Variants in TRAP1 observed in about 807,000 individuals in gnomAD.
TRAP1 encodes TNF receptor associated protein 1.
In TRAP1, 102 loss-of-function variants were observed where a neutral mutation model predicts 89.1. The observed-to-expected ratio is 1.15, with a 90% confidence interval of 0.98 to 1.35. The LOEUF (loss-of-function observed/expected upper bound fraction) is 1.35, where lower values mean the gene tolerates loss of function less well. Among genes scored for constraint, TRAP1 ranks in the 40% most tolerant of loss-of-function variants. The pLI is 0.00. For synonymous variants in TRAP1, 508 were observed against 388.0 expected, an observed-to-expected ratio of 1.31 and a Z score of -3.64; for missense variants, 1,256 against 945.3, an observed-to-expected ratio of 1.33 and a Z score of -4.31.
intron 1 of TRAP1, among the ~76,000 whole-genome samples, chr16:3,695,429 G>A (rs1031360671): frequency 3.3e-5 from 5 of 151,822 alleles, no homozygotes; most frequent in South Asian, 4.2e-4. Context: ...TCAGCTACTC[G>A]GGAGGCCGAG....
intron 4 of TRAP1, among the ~76,000 whole-genome samples, chr16:3,681,329 G>C (rs575587866): frequency 1.3e-5 from 2 of 152,220 alleles, no homozygotes; most frequent in African/African-American, 2.4e-5. Context: ...CATTGGCAAA[G>C]CAAGGGTGGT....
rs1277271312 is a variant in TRAP1, at chr16:3,666,013, G to A, written c.1341C>T (p.Phe447=). Residue 447 remains phenylalanine (F), a synonymous_variant, in exon 12 of 18, where the codon TTC becomes TTT. Coordinates refer to ENST00000246957, the MANE Select transcript of TRAP1 (RefSeq NM_016292.3). The part of the protein sequence containing the change: ...YAKFFEDYGL[F]MREGIVTATE... ...TGGCGGTCACAATGCCCTCCCGCATGAACAGGCCGTAATCTTCAAAAAACT... is the reference window on the plus strand; with the variant it reads ...TGGCGGTCACAATGCCCTCCCGCATAAACAGGCCGTAATCTTCAAAAAACT... The A allele has an allele frequency of 1.2e-6, 2 of 1,614,126 alleles. No individual in the cohort carries two copies. The highest frequency in any genetic ancestry group is 1.1e-5 in the South Asian group (1 of 91,082).
Position 3,670,382 on chromosome 16 carries a change from CAAAAA to C in TRAP1, c.1235+1335_1235+1339del, listed in dbSNP as rs760902038. ...TGGGCGACAGAGCAAGACTCCGTCTCAAAAAAAAAAAAAAAAAAAAAAAAAAAAAT... is the reference window on the plus strand; with the variant it reads ...TGGGCGACAGAGCAAGACTCCGTCTCAAAAAAAAAAAAAAAAAAAAAAAAT... On this transcript the variant is annotated intron_variant, in intron 11 of 17. Coordinates refer to ENST00000246957, the MANE Select transcript of TRAP1 (RefSeq NM_016292.3). Among the ~76,000 whole-genome samples the C allele has an allele frequency of 7.4e-4, 17 of 22,838 alleles. No individual in the cohort carries two copies. The East Asian group carries it at 8.1e-3, about 11-fold the overall frequency. 15.0% of individuals were successfully genotyped at this position (22,838 alleles called of 152,430 possible). A position where few individuals can be genotyped will look rare whatever the true frequency, so the allele number is the denominator to read the frequency against.
At chr16:3,684,790 C>CA (rs1475833472) in intron 4 of TRAP1, among the ~76,000 whole-genome samples, 3 of 150,672 alleles carry the variant, frequency 2.0e-5, no homozygotes, top group Non-Finnish European at 4.4e-5. Flanking sequence ...ACTCTGTCTC[C>CA]AAAAAAAAGG....
intron 1 of TRAP1, among the ~76,000 whole-genome samples, chr16:3,709,237 A>G (rs1316826624): frequency 6.6e-6 from 1 of 151,778 alleles, no homozygotes; most frequent in African/African-American, 2.4e-5. Context: ...CAAAAAAAAA[A>G]AAAAAAAAAA....
chr16:3,672,955 A>C, intron 9 of TRAP1, 135 bp from the exon 10 acceptor site: 1 of 1,337,588 alleles, frequency 7.5e-7, no homozygotes, highest in East Asian at 2.6e-5. Flanking sequence ...CTCTGAGTTG[A>C]AGCCCAGTGC....
chr16:3,695,172 G>A (rs2051269421), intron 1 of TRAP1, among the ~76,000 whole-genome samples: 1 of 152,144 alleles, frequency 6.6e-6, no homozygotes, highest in Non-Finnish European at 1.5e-5. Flanking sequence ...TCCAAATATG[G>A]TCACATTCAC....
In TRAP1 at chr16:3,672,786, C is replaced by G; in HGVS notation, c.1079G>C (p.Gly360Ala). 1 of 1,612,804 alleles carries G rather than the reference C, an allele frequency of 6.2e-7. No individual in the cohort carries two copies. The change falls in exon 10 of 18, where the codon GGC becomes GCC. Residue 360 changes from glycine to alanine, a missense_variant. Gly to Ala is a moderately conservative substitution (Grantham distance 60). Coordinates refer to ENST00000246957, the MANE Select transcript of TRAP1 (RefSeq NM_016292.3). Reference sequence around the variant, plus strand: ...GCGGCTGTACAGTGCAACGCTGGAGCCCAGCTCCCGGCTCACATCAAACAT... The same window carrying G: ...GCGGCTGTACAGTGCAACGCTGGAGGCCAGCTCCCGGCTCACATCAAACAT... ...PSMFDVSREL[G>A]SSVALYSRKV... is the part of the protein sequence containing the mutation.
rs1055886002 is a variant in TRAP1, at chr16:3,680,085, G to C, written c.472-295C>G. 21 of 288,440 alleles carry C rather than the reference G, an allele frequency of 7.3e-5. 1 individual carries two copies. Among genetic ancestry groups the C allele is most frequent in the African/African-American group, 4.3e-4 (20 of 46,804 alleles). 17.9% of individuals were successfully genotyped at this position (288,440 alleles called of 1,614,324 possible). ...TCTCTACTAAAAAAGAAATTAGCCAGGCATGATGGCGAGCACCTGTGGTTC... is the reference window on the plus strand; with the variant it reads ...TCTCTACTAAAAAAGAAATTAGCCACGCATGATGGCGAGCACCTGTGGTTC... On this transcript the variant is annotated intron_variant, in intron 4 of 17. Transcript: ENST00000246957.
At chr16:3,676,358 T>G in intron 6 of TRAP1, 27 of 193,708 alleles carry the variant, frequency 1.4e-4, no homozygotes, top group East Asian at 3.9e-4. Context: ...GTTCTCCTGG[T>G]TCCCTCGGGC....
Position 3,705,105 on chromosome 16 carries a change from C to T in TRAP1, c.88+12316G>A, listed in dbSNP as rs1408761966. ...TTTGAGACGGAGTCTCGCTCTGTCG[C>T]CCAGGCTGGAGTGCAGTGGAGCCAT... On this transcript the variant is annotated intron_variant, in intron 1 of 17. Transcript: ENST00000246957. 3.3e-5 allele frequency among the ~76,000 whole-genome samples: 5 copies of T among 152,248 alleles called. No individual in the cohort carries two copies. In the East Asian group the frequency reaches 7.7e-4, roughly 24 times the overall value.
intron 5 of TRAP1, 164 bp from the exon 6 acceptor site, chr16:3,677,822 G>C (rs1380927843): frequency 2.6e-6 from 2 of 770,570 alleles, no homozygotes; most frequent in East Asian, 2.8e-5. Context: ...AAGTCACAGA[G>C]AGGTGACACA....
rs751962251 is a variant in TRAP1 at position 3,685,982 on chromosome 16, A to G, written c.471+14T>C. On this transcript the variant is annotated intron_variant, in intron 4 of 17. Coordinates refer to ENST00000246957, the MANE Select transcript of TRAP1 (RefSeq NM_016292.3). ...GGCCGGGCCTGCCACACGCCTGGAC[A>G]CTGAGGGAGGTACCTGGATGGTGAT... 1.2e-6 allele frequency: 2 copies of G among 1,613,036 alleles called. No homozygotes were observed. The highest frequency in any genetic ancestry group is 1.7e-6 in the Non-Finnish European group (2 of 1,179,458).
In TRAP1 at chr16:3,692,618, G is replaced by C. The variant is rs549222608; in HGVS notation, c.89-1633C>G. Among the ~76,000 whole-genome samples the C allele has an allele frequency of 1.4e-3, 158 of 112,546 alleles. 1 individual carries two copies. Among genetic ancestry groups the C allele is most frequent in the African/African-American group, 5.2e-3 (150 of 28,898 alleles). 73.8% of individuals were successfully genotyped at this position (112,546 alleles called of 152,430 possible). On this transcript the variant is annotated intron_variant, in intron 1 of 17. Transcript: ENST00000246957. ...GCCTTTTTTTTTTTTTTTTTTTTGA[G>C]ATGAAGTCTCACTCTTGTTGCCCAG...
In TRAP1 at chr16:3,662,066, A is replaced by T. The variant is rs2043110767; in HGVS notation, c.1861T>A (p.Phe621Ile). The T allele has an allele frequency of 6.2e-7, 1 of 1,613,308 alleles. No homozygotes were observed. Among genetic ancestry groups the T allele is most frequent in the Non-Finnish European group, 8.5e-7 (1 of 1,179,916 alleles). ...TVLEMGAARHFLRMQQLAKTQ... is the reference protein window; with the variant it reads ...TVLEMGAARHILRMQQLAKTQ... ...TTGGCCAGCTGCTGCATGCGCAGGA[A>T]GTGGCGGGCAGCCCCCATCTCCAGC... The change falls in exon 16 of 18, where the codon TTC becomes ATC. Residue 621 changes from phenylalanine (F) to isoleucine (I), a missense_variant. Phe to Ile is a conservative substitution (Grantham distance 21). Coordinates refer to ENST00000246957, the MANE Select transcript of TRAP1 (RefSeq NM_016292.3).
intron 11 of TRAP1, among the ~76,000 whole-genome samples, chr16:3,666,832 C>T (rs529309372): frequency 6.6e-6 from 1 of 152,210 alleles, no homozygotes; most frequent in African/African-American, 2.4e-5. Context: ...AGGATATTTA[C>T]TGCAGCATTA....
At chr16:3,661,590 A>C (rs2043077795) in intron 16 of TRAP1, 1 of 180,342 alleles carries the variant, frequency 5.5e-6, no homozygotes, top group East Asian at 1.4e-4. Flanking sequence ...CGGCTATGAA[A>C]ATGAACTTGT....
chr16:3,668,181 C>T (rs565720808), intron 11 of TRAP1, among the ~76,000 whole-genome samples: 14 of 152,108 alleles, frequency 9.2e-5, no homozygotes, highest in Admixed American at 7.2e-4. Flanking sequence ...CTCGGCCTCC[C>T]AAAGTGCTGG....
intron 1 of TRAP1, among the ~76,000 whole-genome samples, chr16:3,716,113 A>G (rs2051595188): frequency 6.6e-6 from 1 of 152,212 alleles, no homozygotes; most frequent in African/African-American, 2.4e-5. Flanking sequence ...TCAGGCTCCC[A>G]AAGTGCTAGG....
Sources: gnomAD v4.1 joint callset for allele counts (sites outside exome capture counted in the v4.1 genomes callset) on GRCh38, gnomAD v4.1.1 for gene constraint, MANE v1.5 for transcripts, NCBI Gene and HGNC (gene_info 2026-07-23, HGNC 2026-07-21) for gene names.